The following SMURF2 variants were observed in gnomAD, a reference collection of about 807,000 sequenced individuals.
SMURF2 encodes the protein SMAD specific E3 ubiquitin protein ligase 2, also known as E3 ubiquitin-protein ligase SMURF2.
In SMURF2, 48 loss-of-function variants were observed where a neutral mutation model predicts 109.6. The ratio of observed to expected loss-of-function variants is 0.44; its 90% CI spans 0.35 to 0.56. SMURF2 has a LOEUF of 0.56. Among genes scored for constraint, SMURF2 ranks in the 20% least tolerant of loss-of-function variants. SMURF2 has a pLI of 0.01. For missense variants in SMURF2, 575 were observed against 909.0 expected (o/e 0.63, Z 4.72); for synonymous variants, 288 against 317.1 (o/e 0.91, Z 0.97).
In SMURF2 at chr17:64,578,566, T is replaced by C. The variant is rs781900339; in HGVS notation, c.783A>G (p.Thr261=). ...PDLPEGYEQR[T]TQQGQVYFLH... is the part of the protein sequence containing the mutation. ...AGAAATACACCTGGCCTTGTTGCGT[T>C]GTCCTCTGTTCTGTAAAATTAATAA... The change falls in exon 9 of 19, where the codon ACA becomes ACG. Residue 261 remains threonine (T), a synonymous_variant. Coordinates refer to ENST00000262435, the MANE Select transcript of SMURF2 (RefSeq NM_022739.4). 6.2e-7 allele frequency: 1 copy of C among 1,612,076 alleles called. No individual in the cohort carries two copies. The highest frequency in any genetic ancestry group is 8.5e-7 in the Non-Finnish European group (1 of 1,178,118).
intron 1 of SMURF2, among the ~76,000 whole-genome samples, chr17:64,638,222 A>G (rs929266446): frequency 6.6e-6 from 1 of 151,476 alleles, no homozygotes; most frequent in Non-Finnish European, 1.5e-5. Flanking sequence ...TGTGCCACCA[A>G]GCCCGACTAA....
chr17:64,606,522 C>T, intron 2 of SMURF2, 80 bp downstream of exon 2: 1 of 998,460 alleles, frequency 1.0e-6, no homozygotes, highest in African/African-American at 1.7e-5. Flanking sequence ...AATAGAGAAA[C>T]CCCTAAACCA....
chr17:64,645,947 G>A (rs1315871999), intron 1 of SMURF2, among the ~76,000 whole-genome samples: 1 of 152,122 alleles, frequency 6.6e-6, no homozygotes, highest in African/African-American at 2.4e-5. Flanking sequence ...AGTAGGTAAT[G>A]AAAGAAGTTT....
chr17:64,631,271 A>AGAG (rs1568202837), intron 1 of SMURF2, among the ~76,000 whole-genome samples: 3 of 5,888 alleles, frequency 5.1e-4, no homozygotes, highest in African/African-American at 2.6e-3. Context: ...GGGGGGAGAG[A>AGAG]GGGGGGGGGG....
intron 1 of SMURF2, among the ~76,000 whole-genome samples, chr17:64,630,332 T>C (rs7216877): frequency 0.057 from 8,619 of 152,234 alleles, 431 homozygotes; most frequent in African/African-American, 0.14. Flanking sequence ...AAAGTCTTCA[T>C]GCCCTCATCA....
chr17:64,613,312 T>C (rs1186907782), intron 1 of SMURF2, among the ~76,000 whole-genome samples: 3 of 152,010 alleles, frequency 2.0e-5, no homozygotes, highest in African/African-American at 7.3e-5. Flanking sequence ...ACTAAGGAGG[T>C]ATGTATCAGA....
chr17:64,650,757 G>A (rs1294156214), intron 1 of SMURF2, among the ~76,000 whole-genome samples: 1 of 152,126 alleles, frequency 6.6e-6, no homozygotes, highest in African/African-American at 2.4e-5. Context: ...TTGAACCTGA[G>A]AGGCTGAGGT....
At chr17:64,619,998 A>G (rs1022206876) in intron 1 of SMURF2, among the ~76,000 whole-genome samples, 1 of 152,044 alleles carries the variant, frequency 6.6e-6, no homozygotes, top group Non-Finnish European at 1.5e-5. Context: ...CAGCACTTCA[A>G]ATTATATTTT....
At chr17:64,632,655 G>A (rs1325383019) in intron 1 of SMURF2, among the ~76,000 whole-genome samples, 2 of 152,192 alleles carry the variant, frequency 1.3e-5, no homozygotes, top group African/African-American at 2.4e-5. Context: ...AATGAGACAA[G>A]TCTTGGGGAA....
intron 1 of SMURF2, among the ~76,000 whole-genome samples, chr17:64,647,540 T>C (rs1392916723): frequency 5.3e-5 from 8 of 151,908 alleles, no homozygotes; most frequent in Non-Finnish European, 2.9e-5. Context: ...TAGCCAAGCA[T>C]GGTGGTGGCA....
At chr17:64,609,714 C>A (rs1970017877) in intron 1 of SMURF2, among the ~76,000 whole-genome samples, 1 of 151,670 alleles carries the variant, frequency 6.6e-6, no homozygotes, top group Non-Finnish European at 1.5e-5. Context: ...CAGGCACGCA[C>A]AAAGACTTCA....
chr17:64,642,449 T>G (rs1197524919), intron 1 of SMURF2, among the ~76,000 whole-genome samples: 1 of 152,220 alleles, frequency 6.6e-6, no homozygotes, highest in Non-Finnish European at 1.5e-5. Flanking sequence ...TCCTACTAAA[T>G]GTAGTAGTTA....
chr17:64,563,018 G>A (rs1555684687), intron 10 of SMURF2, 52 bp from the exon 11 acceptor site: 2 of 1,446,778 alleles, frequency 1.4e-6, no homozygotes, highest in East Asian at 2.5e-5. Context: ...TTTAAAAATT[G>A]CAATTATAGA....
intron 1 of SMURF2, among the ~76,000 whole-genome samples, chr17:64,640,314 AAAAAT>A (rs1302430534): frequency 2.6e-5 from 4 of 152,202 alleles, no homozygotes; most frequent in Admixed American, 2.0e-4. Flanking sequence ...ACTGACACAG[AAAAAT>A]AAGAAGAAAC....
chr17:64,661,268 G>A (rs1174555867), intron 1 of SMURF2, among the ~76,000 whole-genome samples: 1 of 152,156 alleles, frequency 6.6e-6, no homozygotes, highest in African/African-American at 2.4e-5. Flanking sequence ...TCACCTCAGA[G>A]ACATGAGTTT....
intron 4 of SMURF2, 155 bp downstream of exon 4, chr17:64,593,285 T>C (rs1214863145): frequency 3.3e-5 from 16 of 485,146 alleles, no homozygotes; most frequent in East Asian, 5.1e-5. Flanking sequence ...GAAGTTGTGT[T>C]TGAAGCCCTA....
At chr17:64,578,166 G>C (rs1012948582) in intron 9 of SMURF2, among the ~76,000 whole-genome samples, 1 of 151,598 alleles carries the variant, frequency 6.6e-6, no homozygotes, top group Non-Finnish European at 1.5e-5. Flanking sequence ...GGATGGTTTC[G>C]ATCTCTTGAC....
At chr17:64,608,082 C>G (rs941688972) in intron 1 of SMURF2, among the ~76,000 whole-genome samples, 1 of 151,544 alleles carries the variant, frequency 6.6e-6, no homozygotes, top group African/African-American at 2.4e-5. Context: ...ACTTCTTTAA[C>G]TCAAACTTGA....
At chr17:64,629,195 C>G (rs781857919) in intron 1 of SMURF2, among the ~76,000 whole-genome samples, 1 of 152,160 alleles carries the variant, frequency 6.6e-6, no homozygotes, top group Non-Finnish European at 1.5e-5. Flanking sequence ...TAATGCAGAT[C>G]AGGTATCACT....
Sources: allele counts gnomAD v4.1 joint callset (sites outside exome capture counted in the v4.1 genomes callset), GRCh38; gene constraint gnomAD v4.1.1; transcripts MANE v1.5; gene names NCBI Gene and HGNC (gene_info 2026-07-23, HGNC 2026-07-21).